PTH2R: variants seen among roughly 807,000 people sequenced by gnomAD.
The protein encoded by PTH2R is parathyroid hormone 2 receptor, also known as PTH2 receptor.
In PTH2R, 59 loss-of-function variants were observed where a neutral mutation model predicts 60.3. That is an observed-to-expected ratio of 0.98 (90% CI 0.79 to 1.22). The LOEUF is 1.22. PTH2R is among the 50% of genes most tolerant of loss of function. PTH2R has a pLI of 0.00. For missense variants in PTH2R, 749 were observed against 682.6 expected (o/e 1.10, Z -1.08); for synonymous variants, 256 against 243.8 (o/e 1.05, Z -0.47).
At chr2:208,365,856 C>T (rs1320304538) in intron 1 of PTH2R, among the ~76,000 whole-genome samples, 1 of 138,562 alleles carries the variant, frequency 7.2e-6, no homozygotes, top group Non-Finnish European at 1.5e-5. Context: ...CTGCTTCAGC[C>T]TCCTGAGTAG....
intron 1 of PTH2R, among the ~76,000 whole-genome samples, chr2:208,395,481 T>C (rs1051532064): frequency 5.9e-5 from 9 of 152,156 alleles, no homozygotes; most frequent in Non-Finnish European, 1.3e-4. Context: ...AGCGGTGTGG[T>C]AGCAAGAAAC....
At chr2:208,477,943 G>GTACTACTAGTACTACTAC (rs1243907677) in intron 9 of PTH2R, among the ~76,000 whole-genome samples, 14 of 32,702 alleles carry the variant, frequency 4.3e-4, no homozygotes, top group African/African-American at 7.9e-4. Context: ...ACTACTACTA[G>GTACTACTAGTACTACTAC]TAGTACTAGC....
At chr2:208,432,917 C>G (rs1702001891) in intron 2 of PTH2R, among the ~76,000 whole-genome samples, 1 of 152,176 alleles carries the variant, frequency 6.6e-6, no homozygotes, top group Admixed American at 6.5e-5. Flanking sequence ...CACTAACTTT[C>G]TCTCCCAGTC....
intron 2 of PTH2R, among the ~76,000 whole-genome samples, chr2:208,432,587 C>T (rs753865397): frequency 2.0e-5 from 3 of 152,130 alleles, no homozygotes; most frequent in Non-Finnish European, 4.4e-5. Flanking sequence ...CTCACATGAT[C>T]ACAGGGTGAA....
At chr2:208,464,882 A>G (rs116180294) in intron 9 of PTH2R, among the ~76,000 whole-genome samples, 1 of 152,152 alleles carries the variant, frequency 6.6e-6, no homozygotes, top group Non-Finnish European at 1.5e-5. Flanking sequence ...ACTCACACTC[A>G]TACTAACAGG....
intron 9 of PTH2R, among the ~76,000 whole-genome samples, chr2:208,460,792 T>A (rs1283217974): frequency 2.6e-5 from 4 of 152,126 alleles, no homozygotes; most frequent in Admixed American, 6.6e-5. Flanking sequence ...ACAAGCATTT[T>A]AAAAAAATAA....
At chr2:208,481,353 G>A (rs1389643548) in intron 10 of PTH2R, among the ~76,000 whole-genome samples, 189 bp downstream of exon 10, 2 of 151,992 alleles carry the variant, frequency 1.3e-5, no homozygotes, top group African/African-American at 4.8e-5. Flanking sequence ...TGGGATTACA[G>A]GTGTGCGCCA....
At chr2:208,383,316 A>G (rs1700948921) in intron 1 of PTH2R, among the ~76,000 whole-genome samples, 1 of 152,244 alleles carries the variant, frequency 6.6e-6, no homozygotes, top group Admixed American at 6.5e-5. Flanking sequence ...ATGTGAAATA[A>G]CAGTGTATCT....
chr2:208,407,223 C>T (rs1701434260), intron 1 of PTH2R, 105 bp downstream of exon 1: 6 of 1,018,888 alleles, frequency 5.9e-6, no homozygotes, highest in Non-Finnish European at 8.0e-6. Context: ...TTCATGTTCA[C>T]ACGTCCACAA....
chr2:208,408,722 A>AAGAGAGAG (rs760355788), intron 1 of PTH2R, among the ~76,000 whole-genome samples: 5 of 121,330 alleles, frequency 4.1e-5, no homozygotes, highest in African/African-American at 1.5e-4. Context: ...GAAGAAAGGA[A>AAGAGAGAG]AGAGAGAGAG....
intron 1 of PTH2R, among the ~76,000 whole-genome samples, chr2:208,422,159 GA>G (rs1275221852): frequency 1.3e-5 from 2 of 151,974 alleles, no homozygotes; most frequent in South Asian, 2.1e-4. Flanking sequence ...GCCAGGAAGG[GA>G]AAAAAAGGGT....
upstream of PTH2R, among the ~76,000 whole-genome samples, chr2:208,405,611 C>T (rs1701387246): frequency 6.6e-6 from 1 of 152,194 alleles, no homozygotes; most frequent in African/African-American, 2.4e-5. Flanking sequence ...ACGATACTAG[C>T]TAATACTTAT....
chr2:208,416,198 G>A (rs1701637778), intron 1 of PTH2R, among the ~76,000 whole-genome samples: 1 of 152,130 alleles, frequency 6.6e-6, no homozygotes, highest in Non-Finnish European at 1.5e-5. Context: ...GACTAATTTA[G>A]TTCAACCTGA....
At chr2:208,456,416 T>C (rs1225863725) in intron 8 of PTH2R, among the ~76,000 whole-genome samples, 4 of 152,312 alleles carry the variant, frequency 2.6e-5, no homozygotes, top group African/African-American at 7.2e-5. Context: ...AGATAAGAGA[T>C]GCCAATGAGA....
intron 1 of PTH2R, among the ~76,000 whole-genome samples, chr2:208,397,581 G>A (rs1417876917): frequency 6.6e-6 from 1 of 152,146 alleles, no homozygotes; most frequent in Admixed American, 6.5e-5. Flanking sequence ...GAGGTGGGGG[G>A]GCTCTAAGCT....
chr2:208,364,655 C>G (rs974514796), intron 1 of PTH2R, among the ~76,000 whole-genome samples: 1 of 151,930 alleles, frequency 6.6e-6, no homozygotes, highest in East Asian at 1.9e-4. Context: ...CTCTTAGGGC[C>G]CTTTGAGATT....
chr2:208,457,214 CT>C (rs1229399764), intron 8 of PTH2R, among the ~76,000 whole-genome samples: 6 of 152,288 alleles, frequency 3.9e-5, no homozygotes, highest in East Asian at 1.9e-4. Flanking sequence ...TGGTAGAAAG[CT>C]TTTTTAGGGT....
chr2:208,390,868 C>T lies in PTH2R; in HGVS notation c.-259+30631C>T, dbSNP rs183603015. Among the ~76,000 whole-genome samples, 7 of 152,266 alleles carry T rather than the reference C, an allele frequency of 4.6e-5. No individual in the cohort carries two copies. The East Asian group carries it at 9.6e-4, about 21-fold the overall frequency. On this transcript the variant is annotated intron_variant, in intron 1 of 12. Transcript: ENST00000617735. ...GATGAGGTAGGGGTGAGACTGAGTA[C>T]GATGAGTAGTTCTTACTCAGTTACT...
intron 9 of PTH2R, among the ~76,000 whole-genome samples, chr2:208,460,327 G>A (rs942916399): frequency 6.6e-6 from 1 of 152,074 alleles, no homozygotes; most frequent in South Asian, 2.1e-4. Flanking sequence ...GGGAGGAAAA[G>A]GTGGAATAGC....
Sources: gnomAD v4.1 joint callset for allele counts (sites outside exome capture counted in the v4.1 genomes callset) on GRCh38, gnomAD v4.1.1 for gene constraint, MANE v1.5 for transcripts, NCBI Gene and HGNC (gene_info 2026-07-23, HGNC 2026-07-21) for gene names.